UST: variants seen among roughly 807,000 people sequenced by gnomAD.
UST encodes the protein uronyl 2-sulfotransferase.
A neutral mutation model predicts 45.6 loss-of-function variants in UST; 21 were observed. The ratio of observed to expected loss-of-function variants is 0.46; its 90% CI spans 0.33 to 0.66. The LOEUF (loss-of-function observed/expected upper bound fraction) is 0.66. Among genes scored for constraint, UST ranks in the 30% least tolerant of loss-of-function variants. The pLI, the probability that UST is intolerant of heterozygous loss-of-function variation, is 0.02. For synonymous variants in UST, 215 were observed against 200.6 expected (o/e 1.07, Z -0.61); for missense variants, 463 against 512.4 (o/e 0.90, Z 0.93).
chr6:148,956,591 T>C (rs771844111), intron 4 of UST, among the ~76,000 whole-genome samples: 5 of 152,192 alleles, frequency 3.3e-5, no homozygotes, highest in Non-Finnish European at 7.3e-5. Context: ...TATCAGATGC[T>C]GTATACATTC....
chr6:149,010,907 A>ACAAACC (rs1191337557), intron 5 of UST, among the ~76,000 whole-genome samples: 1 of 140,498 alleles, frequency 7.1e-6, no homozygotes, highest in Non-Finnish European at 1.5e-5. Flanking sequence ...AAAAAAAAAA[A>ACAAACC]AAAAAAAAAA....
intron 1 of UST, among the ~76,000 whole-genome samples, chr6:148,877,290 T>A (rs1778684835): frequency 2.9e-5 from 1 of 34,936 alleles, no homozygotes. Flanking sequence ...GAGTTGTGTA[T>A]GAGTGCGGGG....
At chr6:148,813,991 T>C (rs963723634) in intron 1 of UST, among the ~76,000 whole-genome samples, 4 of 152,188 alleles carry the variant, frequency 2.6e-5, no homozygotes, top group African/African-American at 7.2e-5. Flanking sequence ...TCTGTAAAAA[T>C]CTTTTCGGCC....
intron 5 of UST, among the ~76,000 whole-genome samples, chr6:148,980,658 G>A (rs1473181653): frequency 2.6e-5 from 4 of 151,818 alleles, no homozygotes; most frequent in Non-Finnish European, 5.9e-5. Flanking sequence ...TTCAGAAAAA[G>A]CTCATCCTCA....
At chr6:149,041,762 T>A (rs917391026) in intron 7 of UST, among the ~76,000 whole-genome samples, 10 of 152,288 alleles carry the variant, frequency 6.6e-5, no homozygotes, top group South Asian at 4.1e-4. Context: ...CATGCCTGCC[T>A]CCAGGCCTCC....
At chr6:148,879,706 G>T (rs1244993521) in intron 1 of UST, among the ~76,000 whole-genome samples, 2 of 152,168 alleles carry the variant, frequency 1.3e-5, no homozygotes, top group Non-Finnish European at 2.9e-5. Flanking sequence ...CAGTTACTAG[G>T]TGCCTATCAT....
intron 5 of UST, among the ~76,000 whole-genome samples, chr6:149,010,913 A>AAAAAAAAAGC (rs755674810): frequency 1.1e-5 from 1 of 92,968 alleles, no homozygotes; most frequent in Non-Finnish European, 2.0e-5. Context: ...AAAAAAAAAA[A>AAAAAAAAAGC]AAAAAACTGT....
chr6:148,747,757 C>A, intron 1 of UST, 80 bp downstream of exon 1: 1 of 1,447,022 alleles, frequency 6.9e-7, no homozygotes, highest in African/African-American at 1.5e-5. Context: ...GCGGGGACTT[C>A]TCGCGCTGCC....
chr6:149,068,716 G>C (rs141713082), intron 7 of UST, among the ~76,000 whole-genome samples: 1 of 152,228 alleles, frequency 6.6e-6, no homozygotes, highest in African/African-American at 2.4e-5. Flanking sequence ...CCATCACCTT[G>C]AGTATTTATC....
chr6:149,024,397 G>C (rs1776021448), intron 7 of UST, among the ~76,000 whole-genome samples: 1 of 152,150 alleles, frequency 6.6e-6, no homozygotes, highest in African/African-American at 2.4e-5. Flanking sequence ...ATGAACCTTT[G>C]AGTTGTTGCT....
At chr6:148,754,171 A>G (rs143328175) in intron 1 of UST, among the ~76,000 whole-genome samples, 4,625 of 151,274 alleles carry the variant, frequency 0.031, 91 homozygotes, top group Non-Finnish European at 0.045. Context: ...ATTTTTTTGT[A>G]TTTTTTAGTA....
chr6:149,054,549 T>C (rs1349269127), intron 7 of UST, among the ~76,000 whole-genome samples: 2 of 152,110 alleles, frequency 1.3e-5, no homozygotes, highest in Non-Finnish European at 2.9e-5. Context: ...ACTAATGACT[T>C]TATACAGATC....
chr6:148,861,265 A>G (rs1778306837), intron 1 of UST, among the ~76,000 whole-genome samples: 1 of 151,864 alleles, frequency 6.6e-6, no homozygotes, highest in South Asian at 2.1e-4. Context: ...TTTCTTCTAG[A>G]TTTTCTAGTT....
chr6:148,795,270 A>C (rs1014464121), intron 1 of UST, among the ~76,000 whole-genome samples: 1 of 152,178 alleles, frequency 6.6e-6, no homozygotes, highest in Non-Finnish European at 1.5e-5. Context: ...TTGTGATACC[A>C]ATGTGTGGCT....
At chr6:148,993,373 T>C (rs1013218639) in intron 5 of UST, among the ~76,000 whole-genome samples, 1 of 114,902 alleles carries the variant, frequency 8.7e-6, no homozygotes. Context: ...TTGGTTACTC[T>C]TTTTGAAAAA....
intron 2 of UST, among the ~76,000 whole-genome samples, chr6:148,923,197 T>C (rs1053956839): frequency 2.0e-5 from 3 of 152,256 alleles, no homozygotes; most frequent in Admixed American, 2.0e-4. Context: ...TATCATTTCA[T>C]GGGCATTTCA....
chr6:149,002,482 C>T (rs1037804673), intron 5 of UST, among the ~76,000 whole-genome samples: 11 of 151,986 alleles, frequency 7.2e-5, no homozygotes, highest in African/African-American at 2.7e-4. Flanking sequence ...TAACATGATA[C>T]ATTTTTATTT....
In UST at chr6:148,941,451, C is replaced by T; in HGVS notation, c.447+17C>T. 1 of 1,582,818 alleles carries T rather than the reference C, an allele frequency of 6.3e-7. No individual in the cohort carries two copies. Among genetic ancestry groups the T allele is most frequent in the South Asian group, 1.2e-5 (1 of 85,092 alleles). The stretch of plus-strand genomic sequence containing the variant: ...AATGAACAAGTAAGTTGACTTTGCA[C>T]ATTGTTAAATTGTGTTTTGCTTCAG... On this transcript the variant is annotated intron_variant, in intron 3 of 7. Transcript: ENST00000367463.
At chr6:149,061,369 C>A (rs1776652542) in intron 7 of UST, among the ~76,000 whole-genome samples, 1 of 152,136 alleles carries the variant, frequency 6.6e-6, no homozygotes, top group Non-Finnish European at 1.5e-5. Flanking sequence ...AAACATATGT[C>A]AATGCAGCAG....
Sources: allele counts gnomAD v4.1 joint callset (sites outside exome capture counted in the v4.1 genomes callset), GRCh38; gene constraint gnomAD v4.1.1; transcripts MANE v1.5; gene names NCBI Gene and HGNC (gene_info 2026-07-23, HGNC 2026-07-21).